The following TSNARE1 variants were observed in gnomAD, a reference collection of about 807,000 sequenced individuals.
TSNARE1 encodes t-SNARE domain-containing protein 1.
A neutral mutation model predicts 62.0 loss-of-function variants in TSNARE1; 49 were observed. That is an observed-to-expected ratio of 0.79 (90% CI 0.63 to 1.00). The LOEUF (loss-of-function observed/expected upper bound fraction) is 1.00. Ranked by LOEUF, TSNARE1 falls within the 50% of genes least tolerant of loss-of-function variation. TSNARE1 has a pLI of 0.00. For missense variants in TSNARE1, 755 were observed against 700.1 expected, an observed-to-expected ratio of 1.08 and a Z score of -0.88; for synonymous variants, 328 against 294.4, an observed-to-expected ratio of 1.11 and a Z score of -1.17.
At chr8:142,232,868 A>T (rs1366670730) in intron 12 of TSNARE1, among the ~76,000 whole-genome samples, 1 of 152,030 alleles carries the variant, frequency 6.6e-6, no homozygotes, top group Admixed American at 6.6e-5. Flanking sequence ...CCCCTCCCCG[A>T]CCCCAACTTC....
chr8:142,387,001 A>C (rs1837158237), intron 1 of TSNARE1, among the ~76,000 whole-genome samples: 1 of 152,204 alleles, frequency 6.6e-6, no homozygotes, highest in African/African-American at 2.4e-5. Context: ...CCAAAACAAA[A>C]ACTCAATCCT....
intron 12 of TSNARE1, among the ~76,000 whole-genome samples, chr8:142,254,131 C>T (rs1028514977): frequency 1.3e-5 from 2 of 152,266 alleles, no homozygotes; most frequent in African/African-American, 4.8e-5. Context: ...GCTCTGGCCC[C>T]GGGAGCCCGG....
chr8:142,315,084 A>T lies in TSNARE1; in HGVS notation c.993T>A (p.Arg331=), dbSNP rs772487599. Residue 331 remains arginine (R), a synonymous_variant, in exon 8 of 14, where the codon CGT becomes CGA. Coordinates refer to ENST00000524325, the MANE Select transcript of TSNARE1 (RefSeq NM_145003.5). ...CCAGCTGAGGACGCTCCTGCTGCAG[A>T]CGCTCCTGCTGCAGAGAAGGTACAG... is the stretch of plus-strand genomic sequence containing the variant. ...ELLRSSCPQE[R]LQQERPQLDR... is the part of the protein sequence containing the mutation. The T allele has an allele frequency of 3.1e-6, 5 of 1,614,108 alleles. No homozygotes were observed. The highest frequency in any genetic ancestry group is 4.2e-6 in the Non-Finnish European group (5 of 1,180,030).
chr8:142,344,497 G>A, intron 3 of TSNARE1, 25 bp from the exon 4 acceptor site: 2 of 1,493,534 alleles, frequency 1.3e-6, no homozygotes, highest in African/African-American at 1.4e-5. Flanking sequence ...AAAGGCGGAT[G>A]TTTAAGGCCC....
At chr8:142,255,372 C>T (rs1330389806) in intron 12 of TSNARE1, among the ~76,000 whole-genome samples, 2 of 149,704 alleles carry the variant, frequency 1.3e-5, no homozygotes, top group East Asian at 2.0e-4. Context: ...CCATCACCAT[C>T]ATCATGGCTG....
At position 142,317,092 on chromosome 8, in the gene TSNARE1, G is replaced by A. The variant is rs144738225; in HGVS notation, c.984+1452C>T. 7.8e-3 allele frequency among the ~76,000 whole-genome samples: 1,180 copies of A among 151,690 alleles called. 19 individuals are homozygous for A. Among genetic ancestry groups the A allele is most frequent in the African/African-American group, 0.027 (1,119 of 41,470 alleles). Reference sequence around the variant, plus strand: ...CACACATGAAGCGGGTATGGCCAGCGGCTCACACTGCACGCGTGAAGTGGG... The same window carrying A: ...CACACATGAAGCGGGTATGGCCAGCAGCTCACACTGCACGCGTGAAGTGGG... On this transcript the variant is annotated intron_variant, in intron 7 of 13. Coordinates refer to ENST00000524325, the MANE Select transcript of TSNARE1 (RefSeq NM_145003.5).
intron 4 of TSNARE1, among the ~76,000 whole-genome samples, chr8:142,341,926 G>A (rs1440395866): frequency 1.3e-5 from 2 of 152,196 alleles, no homozygotes; most frequent in Admixed American, 6.5e-5. Flanking sequence ...AAAAGCCAGA[G>A]ACAAGCAGCC....
chr8:142,260,206 G>A (rs1264525788), intron 12 of TSNARE1, among the ~76,000 whole-genome samples: 1 of 152,144 alleles, frequency 6.6e-6, no homozygotes, highest in Non-Finnish European at 1.5e-5. Context: ...TCTTACCCTG[G>A]GGCAGGCCCC....
At position 142,300,761 on chromosome 8, in the gene TSNARE1, G is replaced by GA. The variant is rs1322461817; in HGVS notation, c.1132-118_1132-117insT. ...TTCACTATCCCCATCTGCTCTCTGAGGGGACGATCTGGGTCTGAGGCGGGG... is the reference window on the plus strand; with the variant it reads ...TTCACTATCCCCATCTGCTCTCTGAGAGGGACGATCTGGGTCTGAGGCGGGG... On this transcript the variant is annotated intron_variant, in intron 9 of 13. Transcript: ENST00000524325. 1.3e-5 allele frequency: 17 copies of GA among 1,350,970 alleles called. No individual in the cohort carries two copies. The South Asian group carries it at 2.1e-4, about 17-fold the overall frequency. 83.7% of individuals were successfully genotyped at this position (1,350,970 alleles called of 1,614,324 possible).
At chr8:142,221,426 CAGCTTTCAGAAAACATTAAA>C (rs1284619497) in intron 13 of TSNARE1, among the ~76,000 whole-genome samples, 2 of 152,234 alleles carry the variant, frequency 1.3e-5, no homozygotes, top group Non-Finnish European at 2.9e-5. Context: ...TGATATCTCA[CAGCTTTCAGAAAACATTAAA>C]ACCCTGACCT....
chr8:142,249,558 C>T (rs1031610421), intron 12 of TSNARE1, among the ~76,000 whole-genome samples: 9 of 152,204 alleles, frequency 5.9e-5, no homozygotes, highest in East Asian at 1.9e-4. Context: ...TTGACTGGGG[C>T]GGAGGCAGCG....
rs919073991 is a variant in TSNARE1 at position 142,249,533 on chromosome 8, C to T, written c.1447-19954G>A. Among the ~76,000 whole-genome samples, 6 of 152,184 alleles carry T rather than the reference C, an allele frequency of 3.9e-5. 1 individual carries two copies. In the South Asian group the frequency reaches 1.2e-3, roughly 32 times the overall value. On this transcript the variant is annotated intron_variant, in intron 12 of 13. Transcript: ENST00000524325. ...TAAAGGAAGTGGGGAGGATGGGAGC[C>T]AAAACAGAGAGGACTTGACTGGGGC...
intron 1 of TSNARE1, among the ~76,000 whole-genome samples, chr8:142,395,454 C>G (rs938120408): frequency 6.6e-6 from 1 of 152,130 alleles, no homozygotes; most frequent in Non-Finnish European, 1.5e-5. Flanking sequence ...ACACGGGGGG[C>G]AGGCTGCAGG....
At chr8:142,243,140 G>A (rs759097039) in intron 12 of TSNARE1, among the ~76,000 whole-genome samples, 2 of 152,062 alleles carry the variant, frequency 1.3e-5, no homozygotes, top group Admixed American at 6.6e-5. Flanking sequence ...GAACCCTTGC[G>A]CACTGTTGGT....
chr8:142,263,976 G>T (rs1819014761), intron 12 of TSNARE1, among the ~76,000 whole-genome samples: 1 of 151,828 alleles, frequency 6.6e-6, no homozygotes. Flanking sequence ...TATTTCTTTG[G>T]GTTCATTCTG....
intron 13 of TSNARE1, among the ~76,000 whole-genome samples, chr8:142,213,430 A>G (rs1815672039): frequency 6.6e-6 from 1 of 150,890 alleles, no homozygotes; most frequent in African/African-American, 2.4e-5. Context: ...CTTTTCCATG[A>G]TGACTTTTTT....
At chr8:142,369,984 G>A (rs189101298) in intron 1 of TSNARE1, among the ~76,000 whole-genome samples, 6 of 152,258 alleles carry the variant, frequency 3.9e-5, no homozygotes, top group African/African-American at 1.2e-4. Flanking sequence ...GTGTTAGGAG[G>A]AGGGCCTTTT....
intron 11 of TSNARE1, 147 bp from the exon 12 acceptor site, chr8:142,275,010 A>T (rs1820215261): frequency 7.3e-7 from 1 of 1,371,168 alleles, no homozygotes; most frequent in African/African-American, 1.5e-5. Flanking sequence ...GGGCTGCCAG[A>T]CGTGCCGAGG....
At chr8:142,313,768 TTTTTTG>T (rs1001708876) in intron 9 of TSNARE1, among the ~76,000 whole-genome samples, 11 of 152,186 alleles carry the variant, frequency 7.2e-5, no homozygotes, top group Middle Eastern at 3.2e-3. Flanking sequence ...TGTGCCTGTG[TTTTTTG>T]TTTTTGTTTT....
Sources: allele counts gnomAD v4.1 joint callset (sites outside exome capture counted in the v4.1 genomes callset), GRCh38; gene constraint gnomAD v4.1.1; transcripts MANE v1.5; gene names NCBI Gene and HGNC (gene_info 2026-07-23, HGNC 2026-07-21).